The following ASIC2 variants were observed in gnomAD, a reference collection of about 807,000 sequenced individuals.
The protein encoded by ASIC2 is acid sensing ion channel subunit 2.
A neutral mutation model predicts 57.3 loss-of-function variants in ASIC2; 25 were observed. That is an observed-to-expected ratio of 0.44 (90% CI 0.32 to 0.61). ASIC2 has a LOEUF of 0.61. Ranked by LOEUF, ASIC2 falls within the 20% of genes least tolerant of loss-of-function variation. ASIC2 has a pLI of 0.06. For synonymous variants in ASIC2, 319 were observed against 307.5 expected, an observed-to-expected ratio of 1.04 and a Z score of -0.39; for missense variants, 641 against 738.1, an observed-to-expected ratio of 0.87 and a Z score of 1.52.
chr17:33,937,299 G>C (rs1458976174), intron 1 of ASIC2, among the ~76,000 whole-genome samples: 3 of 152,080 alleles, frequency 2.0e-5, no homozygotes, highest in African/African-American at 7.2e-5. Context: ...ATGGGGTTTC[G>C]CCATGTTGGT....
At chr17:33,580,938 G>A (rs1012888420) in intron 1 of ASIC2, among the ~76,000 whole-genome samples, 7 of 152,214 alleles carry the variant, frequency 4.6e-5, no homozygotes, top group South Asian at 4.2e-4. Flanking sequence ...TGGTTTATGC[G>A]GTAGGCAAAA....
At chr17:33,287,193 T>A (rs1202594460) in intron 1 of ASIC2, among the ~76,000 whole-genome samples, 1 of 152,198 alleles carries the variant, frequency 6.6e-6, no homozygotes, top group Non-Finnish European at 1.5e-5. Flanking sequence ...ACCTCAGATC[T>A]CCGAGGCAGG....
chr17:33,100,793 C>T (rs1056358919), intron 2 of ASIC2, among the ~76,000 whole-genome samples: 1 of 152,206 alleles, frequency 6.6e-6, no homozygotes, highest in Admixed American at 6.5e-5. Context: ...GACATGAGGT[C>T]TGAGGTTGGG....
intron 1 of ASIC2, among the ~76,000 whole-genome samples, chr17:33,905,830 CA>C (rs1363947078): frequency 6.6e-6 from 1 of 151,664 alleles, no homozygotes; most frequent in Non-Finnish European, 1.5e-5. Context: ...TGTTTTTTTG[CA>C]TCAGGTTCTT....
intron 1 of ASIC2, among the ~76,000 whole-genome samples, chr17:34,021,833 T>G (rs760492824): frequency 5.9e-4 from 75 of 127,734 alleles, no homozygotes; most frequent in Non-Finnish European, 8.9e-4. Flanking sequence ...TTGTGTTTTG[T>G]TTTGTTTTTT....
chr17:33,647,950 G>T (rs1312913451), intron 1 of ASIC2, among the ~76,000 whole-genome samples: 1 of 152,152 alleles, frequency 6.6e-6, no homozygotes, highest in Non-Finnish European at 1.5e-5. Flanking sequence ...CACCAGGGAG[G>T]TATGACATGC....
rs531566102 is a variant in ASIC2 at position 33,881,346 on chromosome 17, G to T, written c.555+274632C>A. Among the ~76,000 whole-genome samples the T allele has an allele frequency of 5.9e-3, 900 of 152,286 alleles. 1 individual carries two copies. The highest frequency in any genetic ancestry group is 0.01 in the Non-Finnish European group (681 of 68,022). The stretch of plus-strand genomic sequence containing the variant: ...GTCCCTGTTTGCAGATGACATGATT[G>T]TATATCTAGAAAACCCCATCGTCTC... On this transcript the variant is annotated intron_variant, in intron 1 of 9. Coordinates refer to the ASIC2 transcript ENST00000359872.
intron 1 of ASIC2, among the ~76,000 whole-genome samples, chr17:33,924,707 G>C (rs747897690): frequency 6.6e-6 from 1 of 152,160 alleles, no homozygotes; most frequent in African/African-American, 2.4e-5. Context: ...AGCAGAGAGA[G>C]GATGCAAGTG....
In ASIC2 at chr17:33,147,703, G is replaced by A. The variant is rs149612634; in HGVS notation, c.709-35636C>T. Among the ~76,000 whole-genome samples the A allele has an allele frequency of 3.5e-3, 533 of 152,320 alleles. 2 individuals carry two copies. Among genetic ancestry groups the A allele is most frequent in the South Asian group, 0.026 (125 of 4,814 alleles). ...TGAGCAAAAATGACCCCACACTACA[G>A]TGAAATCCCGGGCCAGTGCCAACTT... On this transcript the variant is annotated intron_variant, in intron 1 of 9. Transcript: ENST00000225823.
intron 1 of ASIC2, among the ~76,000 whole-genome samples, chr17:33,608,382 A>G (rs545698767): frequency 6.6e-6 from 1 of 152,176 alleles, no homozygotes; most frequent in African/African-American, 2.4e-5. Context: ...AGTTCATATA[A>G]AAGTCTCAGG....
intron 1 of ASIC2, among the ~76,000 whole-genome samples, chr17:33,335,290 A>T (rs1234240306): frequency 6.6e-6 from 1 of 152,230 alleles, no homozygotes; most frequent in Non-Finnish European, 1.5e-5. Flanking sequence ...TTCTAACTAG[A>T]AGGAAAACAA....
At chr17:33,769,713 A>G (rs188415253) in intron 1 of ASIC2, among the ~76,000 whole-genome samples, 1 of 152,338 alleles carries the variant, frequency 6.6e-6, no homozygotes, top group Admixed American at 6.5e-5. Context: ...GGAGGAAGAG[A>G]CGATCCACTC....
chr17:33,241,255 G>A (rs900173895), intron 1 of ASIC2, among the ~76,000 whole-genome samples: 43 of 152,344 alleles, frequency 2.8e-4, no homozygotes, highest in Non-Finnish European at 4.3e-4. Flanking sequence ...ACAGGATATT[G>A]GTTCTTGAAC....
At chr17:34,125,455 C>T (rs942128751) in intron 1 of ASIC2, among the ~76,000 whole-genome samples, 19 of 152,122 alleles carry the variant, frequency 1.2e-4, no homozygotes, top group Non-Finnish European at 2.2e-4. Flanking sequence ...CCACTCTAGC[C>T]AGTGTAATCA....
chr17:33,661,609 A>G (rs555448529), intron 1 of ASIC2, among the ~76,000 whole-genome samples: 4 of 152,308 alleles, frequency 2.6e-5, no homozygotes, highest in African/African-American at 4.8e-5. Context: ...AGGGGAGAGT[A>G]GTTGGGAAAT....
intron 1 of ASIC2, among the ~76,000 whole-genome samples, chr17:33,632,134 A>T (rs1169879010): frequency 6.6e-6 from 1 of 152,276 alleles, no homozygotes; most frequent in East Asian, 1.9e-4. Flanking sequence ...TCTGAGTCTC[A>T]GTTTTCTCAT....
intron 1 of ASIC2, among the ~76,000 whole-genome samples, chr17:34,072,479 G>A (rs1909452022): frequency 6.6e-6 from 1 of 152,220 alleles, no homozygotes; most frequent in Non-Finnish European, 1.5e-5. Flanking sequence ...CCAGCATAGA[G>A]CCAGCTGCTA....
Position 33,864,696 on chromosome 17 carries a change from C to A in ASIC2, c.555+291282G>T, listed in dbSNP as rs114529782. Among the ~76,000 whole-genome samples the A allele has an allele frequency of 5.3e-3, 805 of 152,184 alleles. 2 individuals are homozygous for A. Among genetic ancestry groups the A allele is most frequent in the African/African-American group, 0.019 (775 of 41,520 alleles). On this transcript the variant is annotated intron_variant, in intron 1 of 9. Transcript: ENST00000359872. ...TGTGGAGTCAGCAGGGTGGCAGGTG[C>A]CTTGGTGGTGTCACTGGCTACTCAT...
intron 1 of ASIC2, among the ~76,000 whole-genome samples, chr17:33,920,051 A>G (rs1358492280): frequency 5.3e-5 from 8 of 152,194 alleles, no homozygotes; most frequent in Non-Finnish European, 1.2e-4. Flanking sequence ...GAGAAAAGGG[A>G]ACACTTATAC....
Sources: allele counts gnomAD v4.1 joint callset (sites outside exome capture counted in the v4.1 genomes callset), GRCh38; gene constraint gnomAD v4.1.1; transcripts MANE v1.5; gene names NCBI Gene and HGNC (gene_info 2026-07-23, HGNC 2026-07-21).